Variants in CDH4 observed in about 807,000 individuals in gnomAD.
The protein encoded by CDH4 is cadherin-4.
A neutral mutation model predicts 86.0 loss-of-function variants in CDH4; 33 were observed. The observed-to-expected ratio is 0.38, with a 90% confidence interval of 0.29 to 0.51. CDH4 has a LOEUF of 0.51. Among genes scored for constraint, CDH4 ranks in the 20% least tolerant of loss-of-function variants. The pLI is 0.86. For synonymous variants in CDH4, 555 were observed against 549.4 expected, an observed-to-expected ratio of 1.01 and a Z score of -0.14; for missense variants, 1,114 against 1,307.4, an observed-to-expected ratio of 0.85 and a Z score of 2.28.
At chr20:61,872,524 C>T (rs908374724) in intron 6 of CDH4, among the ~76,000 whole-genome samples, 1 of 152,218 alleles carries the variant, frequency 6.6e-6, no homozygotes, top group Non-Finnish European at 1.5e-5. Context: ...GCCGCATGAC[C>T]CCAGCCCCGT....
intron 4 of CDH4, 39 bp downstream of exon 4, chr20:61,773,221 C>G (rs377555192): frequency 6.7e-6 from 10 of 1,485,648 alleles, no homozygotes; most frequent in Admixed American, 4.4e-5. Flanking sequence ...GGGGTCTCGG[C>G]GTTAGCAGTA....
intron 2 of CDH4, among the ~76,000 whole-genome samples, chr20:61,620,838 TC>T (rs1482946287): frequency 1.3e-5 from 2 of 152,322 alleles, no homozygotes; most frequent in Admixed American, 6.5e-5. Flanking sequence ...GGCCATGCCA[TC>T]CCGGTTATCA....
intron 3 of CDH4, among the ~76,000 whole-genome samples, chr20:61,749,979 C>T (rs1371036215): frequency 6.6e-6 from 1 of 151,924 alleles, no homozygotes; most frequent in Non-Finnish European, 1.5e-5. Flanking sequence ...GAGAATTGCT[C>T]GAACCCAGGG....
chr20:61,814,966 G>A lies in CDH4; in HGVS notation c.577-29702G>A, dbSNP rs117732238. On this transcript the variant is annotated intron_variant, in intron 4 of 15. Transcript: ENST00000614565. ...CAAAGCCCAGGGTGTTCTAGTGCCC[G>A]TGTAAGCATAGGTGCTGAGGTTGGG... is the stretch of plus-strand genomic sequence containing the variant. 1.6e-4 allele frequency among the ~76,000 whole-genome samples: 25 copies of A among 152,274 alleles called. No individual in the cohort carries two copies. The East Asian group carries it at 1.7e-3, about 11-fold the overall frequency.
chr20:61,790,109 C>T (rs1227886279), intron 4 of CDH4, among the ~76,000 whole-genome samples: 1 of 152,052 alleles, frequency 6.6e-6, no homozygotes, highest in African/African-American at 2.4e-5. Flanking sequence ...TTCTACCTAC[C>T]CATCCATTCA....
At chr20:61,786,364 C>G (rs1265175772) in intron 4 of CDH4, among the ~76,000 whole-genome samples, 1 of 152,100 alleles carries the variant, frequency 6.6e-6, no homozygotes, top group Non-Finnish European at 1.5e-5. Flanking sequence ...CTGCGAGTCG[C>G]CCGGCAGCCA....
intron 4 of CDH4, among the ~76,000 whole-genome samples, chr20:61,793,045 C>T (rs1339850026): frequency 6.6e-6 from 1 of 152,040 alleles, no homozygotes; most frequent in Non-Finnish European, 1.5e-5. Flanking sequence ...TTACTGCAAC[C>T]TCTGCCTCCT....
chr20:61,633,272 CCCATCCACTCATGCATCCTCCCAT>C (rs2086913285), intron 2 of CDH4, among the ~76,000 whole-genome samples: 1 of 151,536 alleles, frequency 6.6e-6, no homozygotes, highest in African/African-American at 2.4e-5. Context: ...TGTCCATCTA[CCCATCCACTCATGCATCCTCCCAT>C]CCATCCACTC....
At chr20:61,383,631 C>CTATATATGAT (rs375813114) in intron 2 of CDH4, among the ~76,000 whole-genome samples, 1 of 1,590 alleles carries the variant, frequency 6.3e-4, no homozygotes, top group Non-Finnish European at 2.0e-3. Context: ...TGATATATAT[C>CTATATATGAT]ATATATGAAT....
intron 2 of CDH4, among the ~76,000 whole-genome samples, chr20:61,479,776 C>A (rs1294734444): frequency 6.6e-6 from 1 of 151,312 alleles, no homozygotes; most frequent in South Asian, 2.1e-4. Flanking sequence ...GGTCATGATT[C>A]CATGGCTTTT....
chr20:61,594,199 A>C (rs2086538624), intron 2 of CDH4, among the ~76,000 whole-genome samples: 1 of 102,042 alleles, frequency 9.8e-6, no homozygotes, highest in South Asian at 4.5e-4. Flanking sequence ...TGACCTGAGC[A>C]GGGGAAAGGG....
chr20:61,618,176 G>A (rs2086741112), intron 2 of CDH4, among the ~76,000 whole-genome samples: 1 of 152,108 alleles, frequency 6.6e-6, no homozygotes. Flanking sequence ...CCTCGGCTGG[G>A]TGGCTGAAGG....
intron 2 of CDH4, among the ~76,000 whole-genome samples, chr20:61,293,985 G>A (rs1204365232): frequency 6.6e-6 from 1 of 152,096 alleles, no homozygotes; most frequent in Non-Finnish European, 1.5e-5. Context: ...GGTCTTTGTG[G>A]TCGTTTCCTT....
intron 2 of CDH4, among the ~76,000 whole-genome samples, chr20:61,349,289 G>A (rs2084696709): frequency 6.6e-6 from 1 of 152,226 alleles, no homozygotes; most frequent in Admixed American, 6.5e-5. Context: ...GGTGGTTCTG[G>A]GGAGAAAGGT....
intron 3 of CDH4, among the ~76,000 whole-genome samples, chr20:61,758,292 C>T (rs893879406): frequency 1.2e-4 from 18 of 152,210 alleles, no homozygotes; most frequent in African/African-American, 4.3e-4. Context: ...GAGGGAACAG[C>T]AGATGCAAAG....
chr20:61,828,113 G>C (rs756671659), intron 4 of CDH4, among the ~76,000 whole-genome samples: 28 of 152,136 alleles, frequency 1.8e-4, no homozygotes, highest in Non-Finnish European at 2.8e-4. Context: ...AGGTAGAGGT[G>C]ATGAAATATT....
intron 6 of CDH4, among the ~76,000 whole-genome samples, chr20:61,872,695 C>G (rs754800995): frequency 9.2e-5 from 14 of 152,364 alleles, no homozygotes; most frequent in Middle Eastern, 3.4e-3. Context: ...TGAGCACACA[C>G]GTGTGCAGAG....
At chr20:61,316,901 G>T (rs531919963) in intron 2 of CDH4, among the ~76,000 whole-genome samples, 36 of 152,328 alleles carry the variant, frequency 2.4e-4, no homozygotes, top group African/African-American at 8.2e-4. Context: ...CTGGACGTGG[G>T]TCCTCCAGCC....
intron 4 of CDH4, among the ~76,000 whole-genome samples, chr20:61,781,218 G>A (rs1978523153): frequency 6.8e-6 from 1 of 147,590 alleles, no homozygotes; most frequent in Admixed American, 6.9e-5. Flanking sequence ...ACAGTGATCA[G>A]TATACACACA....
Sources: gnomAD v4.1 joint callset for allele counts (sites outside exome capture counted in the v4.1 genomes callset) on GRCh38, gnomAD v4.1.1 for gene constraint, MANE v1.5 for transcripts, NCBI Gene and HGNC (gene_info 2026-07-23, HGNC 2026-07-21) for gene names.